The following SLC1A3 variants were observed in gnomAD, a reference collection of about 807,000 sequenced individuals.
SLC1A3 encodes the protein solute carrier family 1 member 3.
SLC1A3 carries 21 observed loss-of-function variants against 48.1 expected under a neutral mutation model. The observed-to-expected ratio is 0.44, with a 90% confidence interval of 0.31 to 0.63. The LOEUF is 0.63. SLC1A3 is among the 20% of genes least tolerant of loss of function. SLC1A3 has a pLI of 0.08. For missense variants in SLC1A3, 546 were observed against 689.0 expected (o/e 0.79, Z 2.32); for synonymous variants, 239 against 251.4 (o/e 0.95, Z 0.47).
upstream of SLC1A3, among the ~76,000 whole-genome samples, chr5:36,602,675 T>C (rs1259645174): frequency 1.3e-5 from 2 of 152,240 alleles, no homozygotes; most frequent in Non-Finnish European, 2.9e-5. Flanking sequence ...GGATCACTTG[T>C]GAGAAAAATA....
At chr5:36,684,852 T>G (rs1419406167) in intron 9 of SLC1A3, among the ~76,000 whole-genome samples, 1 of 152,168 alleles carries the variant, frequency 6.6e-6, no homozygotes, top group Non-Finnish European at 1.5e-5. Flanking sequence ...CCACCCTAGT[T>G]TCTACCTCTG....
At chr5:36,627,417 C>T (rs973972477) in intron 2 of SLC1A3, among the ~76,000 whole-genome samples, 3 of 151,988 alleles carry the variant, frequency 2.0e-5, no homozygotes, top group Admixed American at 6.6e-5. Flanking sequence ...AGCCAACCCA[C>T]GCAGAAAGCA....
chr5:36,599,705 G>C (rs1220505516), intron 1 of SLC1A3, among the ~76,000 whole-genome samples: 1 of 146,910 alleles, frequency 6.8e-6, no homozygotes. Context: ...GACGGAGTTC[G>C]CCATGTTGGT....
chr5:36,657,250 G>A (rs141708731), intron 3 of SLC1A3, among the ~76,000 whole-genome samples: 143 of 152,276 alleles, frequency 9.4e-4, no homozygotes, highest in African/African-American at 3.4e-3. Flanking sequence ...AGCTTCATGT[G>A]CTATAGGGAA....
At chr5:36,616,357 T>C (rs1161568865) in intron 2 of SLC1A3, among the ~76,000 whole-genome samples, 1 of 152,138 alleles carries the variant, frequency 6.6e-6, no homozygotes, top group Non-Finnish European at 1.5e-5. Context: ...AAGGTTTAGA[T>C]AAAGGAAGAT....
At chr5:36,653,198 C>T (rs537946790) in intron 3 of SLC1A3, among the ~76,000 whole-genome samples, 1 of 152,336 alleles carries the variant, frequency 6.6e-6, no homozygotes, top group Non-Finnish European at 1.5e-5. Context: ...TTCTCAGCAG[C>T]TGCTTACAAT....
At chr5:36,669,103 T>C (rs1333605119) in intron 3 of SLC1A3, 1 of 152,148 alleles carries the variant, frequency 6.6e-6, no homozygotes, top group Non-Finnish European at 1.5e-5. Flanking sequence ...ATCCGGCGTA[T>C]TGTGCTTACA....
chr5:36,603,341 C>T (rs1027191156), upstream of SLC1A3, among the ~76,000 whole-genome samples: 1 of 152,312 alleles, frequency 6.6e-6, no homozygotes, highest in Middle Eastern at 3.4e-3. Flanking sequence ...CAGCACACAG[C>T]GATCTCATAA....
intron 2 of SLC1A3, among the ~76,000 whole-genome samples, chr5:36,613,649 G>T (rs963705148): frequency 6.6e-6 from 1 of 152,114 alleles, no homozygotes; most frequent in Non-Finnish European, 1.5e-5. Context: ...TCAGACTTAC[G>T]GTTTCTTCAA....
At chr5:36,602,548 A>G (rs1738820081), upstream of SLC1A3, among the ~76,000 whole-genome samples, 1 of 152,232 alleles carries the variant, frequency 6.6e-6, no homozygotes, top group African/African-American at 2.4e-5. Context: ...ACTTTTCAAT[A>G]TAAATAATAA....
At chr5:36,631,867 A>G (rs1364021043) in intron 3 of SLC1A3, among the ~76,000 whole-genome samples, 1 of 152,246 alleles carries the variant, frequency 6.6e-6, no homozygotes, top group Non-Finnish European at 1.5e-5. Context: ...AGGAACTTCT[A>G]CAAATTACAC....
At chr5:36,636,505 T>TTCTTTCTTTTTC (rs1177117898) in intron 3 of SLC1A3, 2 of 70,136 alleles carry the variant, frequency 2.9e-5, no homozygotes, top group Non-Finnish European at 8.0e-5. Context: ...CTTTCTTTCT[T>TTCTTTCTTTTTC]TTTCTTTCTT....
At chr5:36,621,717 A>G (rs1739679755) in intron 2 of SLC1A3, among the ~76,000 whole-genome samples, 1 of 152,224 alleles carries the variant, frequency 6.6e-6, no homozygotes, top group Non-Finnish European at 1.5e-5. Flanking sequence ...TCTCGACATC[A>G]TTAATTCCTT....
At chr5:36,642,801 GA>G (rs1413550917) in intron 3 of SLC1A3, among the ~76,000 whole-genome samples, 1 of 152,078 alleles carries the variant, frequency 6.6e-6, no homozygotes, top group Non-Finnish European at 1.5e-5. Flanking sequence ...TCATGTAAGT[GA>G]TATCATTCAA....
chr5:36,600,398 C>T (rs150142438), intron 1 of SLC1A3, among the ~76,000 whole-genome samples: 2 of 152,330 alleles, frequency 1.3e-5, no homozygotes, highest in Non-Finnish European at 2.9e-5. Flanking sequence ...CCTTGCACCA[C>T]TCAGGTCTCC....
chr5:36,650,039 G>A (rs1740997352), intron 3 of SLC1A3, among the ~76,000 whole-genome samples: 1 of 152,192 alleles, frequency 6.6e-6, no homozygotes, highest in Non-Finnish European at 1.5e-5. Context: ...TCAGAAATAC[G>A]TTTGTGGGCA....
At chr5:36,647,430 T>C (rs539980590) in intron 3 of SLC1A3, among the ~76,000 whole-genome samples, 6 of 152,374 alleles carry the variant, frequency 3.9e-5, no homozygotes, top group South Asian at 2.1e-4. Context: ...AGTAAATGTT[T>C]CCATTTTTGA....
chr5:36,681,705 CCCT>C, intron 8 of SLC1A3, among the ~76,000 whole-genome samples: 1 of 152,306 alleles, frequency 6.6e-6, no homozygotes, highest in Admixed American at 6.5e-5. Context: ...CAAATATAAT[CCCT>C]CCTTTTTGCT....
intron 2 of SLC1A3, among the ~76,000 whole-genome samples, chr5:36,624,013 G>A (rs1739801993): frequency 6.6e-6 from 1 of 152,138 alleles, no homozygotes; most frequent in Admixed American, 6.5e-5. Context: ...GAATGTAATA[G>A]GAAACTAGAA....
Sources: allele counts gnomAD v4.1 joint callset (sites outside exome capture counted in the v4.1 genomes callset), GRCh38; gene constraint gnomAD v4.1.1; transcripts MANE v1.5; gene names NCBI Gene and HGNC (gene_info 2026-07-23, HGNC 2026-07-21).